FBXO47: variants seen among roughly 807,000 people sequenced by gnomAD.
FBXO47 encodes the protein F-box protein 47.
In FBXO47, 34 loss-of-function variants were observed where a neutral mutation model predicts 53.9. That is an observed-to-expected ratio of 0.63 (90% confidence interval 0.48 to 0.84). FBXO47 has a LOEUF of 0.84. Among genes scored for constraint, FBXO47 ranks in the 40% least tolerant of loss-of-function variants. FBXO47 has a pLI of 0.00. For missense variants in FBXO47, 485 were observed against 541.3 expected (o/e 0.90, Z 1.03); for synonymous variants, 165 against 181.6 (o/e 0.91, Z 0.73).
intron 6 of FBXO47, among the ~76,000 whole-genome samples, chr17:38,946,317 T>A (rs866533915): frequency 2.6e-3 from 240 of 91,988 alleles, no homozygotes; most frequent in Non-Finnish European, 3.7e-3. Flanking sequence ...AATATATAAA[T>A]ATATATAAAT....
intron 1 of FBXO47, among the ~76,000 whole-genome samples, chr17:38,966,059 T>G (rs1403404074): frequency 2.0e-5 from 3 of 152,164 alleles, no homozygotes; most frequent in African/African-American, 7.2e-5. Flanking sequence ...TGTAATCTGC[T>G]TTTTTCAATG....
At chr17:38,946,596 A>ATATATGAATATATATAAC (rs1904875323) in intron 6 of FBXO47, among the ~76,000 whole-genome samples, 1 of 75,888 alleles carries the variant, frequency 1.3e-5, no homozygotes, top group Non-Finnish European at 2.2e-5. Flanking sequence ...AACTATATAA[A>ATATATGAATATATATAAC]TATATGAATA....
At chr17:38,950,337 A>C (rs529347697) in intron 6 of FBXO47, among the ~76,000 whole-genome samples, 1 of 152,048 alleles carries the variant, frequency 6.6e-6, no homozygotes, top group East Asian at 1.9e-4. Flanking sequence ...TCCATGTTGC[A>C]GCATATACCA....
At chr17:38,950,250 T>C (rs2143930995) in intron 6 of FBXO47, among the ~76,000 whole-genome samples, 1 of 152,180 alleles carries the variant, frequency 6.6e-6, no homozygotes. Context: ...TCTAGGTATC[T>C]CATGTAAGTA....
chr17:38,938,871 TG>T, intron 9 of FBXO47, 139 bp from the exon 10 acceptor site: 1 of 622,124 alleles, frequency 1.6e-6, no homozygotes. Context: ...AGTCTATACA[TG>T]GGAAATGCTC....
intron 3 of FBXO47, among the ~76,000 whole-genome samples, chr17:38,961,360 G>A (rs979762454): frequency 1.3e-5 from 2 of 152,180 alleles, no homozygotes; most frequent in African/African-American, 4.8e-5. Flanking sequence ...AGGCATAAAT[G>A]ATTACAAATT....
chr17:38,951,833 C>T (rs752205977), intron 5 of FBXO47, 144 bp from the exon 6 acceptor site: 2 of 566,148 alleles, frequency 3.5e-6, no homozygotes, highest in Non-Finnish European at 6.3e-6. Context: ...GAGTTTGAGA[C>T]CAGCCTGGAC....
intron 9 of FBXO47, among the ~76,000 whole-genome samples, chr17:38,942,121 C>T (rs903619700): frequency 6.6e-6 from 1 of 152,060 alleles, no homozygotes; most frequent in African/African-American, 2.4e-5. Flanking sequence ...CTCCCAAGTC[C>T]TCTCCCCAAC....
At chr17:38,944,233 G>T (rs1904641468) in intron 7 of FBXO47, among the ~76,000 whole-genome samples, 1 of 143,358 alleles carries the variant, frequency 7.0e-6, no homozygotes. Flanking sequence ...GTGTGTGTGT[G>T]TATGCTTCTT....
chr17:38,957,652 A>C (rs73301142), intron 3 of FBXO47, among the ~76,000 whole-genome samples: 3,920 of 152,104 alleles, frequency 0.026, 171 homozygotes, highest in African/African-American at 0.089. Context: ...ATATGTTTTA[A>C]GAGTTGTTAA....
In FBXO47 at chr17:38,942,860, T is replaced by C; in HGVS notation, c.1001A>G (p.Asn334Ser). 6.2e-7 allele frequency: 1 copy of C among 1,612,996 alleles called. No individual in the cohort carries two copies. The highest frequency in any genetic ancestry group is 8.5e-7 in the Non-Finnish European group (1 of 1,179,062). ...NARLLMLSGN[N>S]ICFSFMASKA... ...ACTAGCCATGAAACTGAAACAGATG[T>C]TGTTTCCACTTAGCATTAGGAGACG... The change falls in exon 9 of 11, where the codon AAC (asparagine) becomes AGC (serine). Residue 334 changes from asparagine to serine, a missense_variant. Coordinates refer to ENST00000378079, the MANE Select transcript of FBXO47 (RefSeq NM_001008777.3).
chr17:38,966,090 A>G (rs1317564339), intron 1 of FBXO47, among the ~76,000 whole-genome samples: 1 of 152,178 alleles, frequency 6.6e-6, no homozygotes. Context: ...CCATGCTAAT[A>G]ACCTTCTACA....
chr17:38,952,169 A>C (rs1905327085), intron 5 of FBXO47, among the ~76,000 whole-genome samples: 1 of 152,050 alleles, frequency 6.6e-6, no homozygotes, highest in South Asian at 2.1e-4. Flanking sequence ...TACTAAAAAT[A>C]CAAAAAATTA....
chr17:38,962,854 AT>A lies in FBXO47; in HGVS notation c.171del (p.Lys57AsnfsTer5). 6.2e-7 allele frequency: 1 copy of A among 1,609,688 alleles called. No individual in the cohort carries two copies. On this transcript the variant is annotated frameshift_variant, in exon 2 of 11. Coordinates refer to ENST00000378079, the MANE Select transcript of FBXO47 (RefSeq NM_001008777.3). LOFTEE classifies it high-confidence loss of function. ...LPLEIFQIIL[K>X]YLSVKDISML... Reference sequence around the variant, plus strand: ...AGTTCCCAAACCTCACCTGACAAATATTTTAAAATTATCTGGAATATTTCCA... The same window carrying A: ...AGTTCCCAAACCTCACCTGACAAATATTTAAAATTATCTGGAATATTTCCA...
At chr17:38,942,960 C>A in intron 8 of FBXO47, 40 bp from the exon 9 acceptor site, 3 of 1,531,018 alleles carry the variant, frequency 2.0e-6, no homozygotes, top group South Asian at 1.2e-5. Context: ...TGAGAAATCA[C>A]ACAACAGCTA....
rs1174775863 is a variant in FBXO47 at position 38,946,809 on chromosome 17, CATATATAA to C, written c.617-1681_617-1674del. 1.1e-3 allele frequency among the ~76,000 whole-genome samples: 64 copies of C among 55,798 alleles called. 1 individual carries two copies. Among genetic ancestry groups the C allele is most frequent in the Non-Finnish European group, 1.3e-3 (44 of 33,674 alleles). The allele number at this position is 55,798 out of a possible 152,430, so 36.6% of individuals were successfully genotyped here. A position where few individuals can be genotyped will look rare whatever the true frequency, so the allele number is the denominator to read the frequency against. On this transcript the variant is annotated intron_variant, in intron 6 of 10. Coordinates refer to ENST00000378079, the MANE Select transcript of FBXO47 (RefSeq NM_001008777.3). ...ATATAAATATATATAGATATATAAACATATATAAATATATAAATATATAAATATATATA... is the reference window on the plus strand; with the variant it reads ...ATATAAATATATATAGATATATAAACATATATAAATATATAAATATATATA...
At chr17:38,947,051 A>T (rs1171766319) in intron 6 of FBXO47, among the ~76,000 whole-genome samples, 1 of 133,648 alleles carries the variant, frequency 7.5e-6, no homozygotes, top group Non-Finnish European at 1.5e-5. Flanking sequence ...AATATATAAA[A>T]ACATATATAA....
chr17:38,961,805 A>G, intron 3 of FBXO47, 72 bp downstream of exon 3: 1 of 1,348,644 alleles, frequency 7.4e-7, no homozygotes, highest in Non-Finnish European at 1.0e-6. Context: ...CTGGCCTTAC[A>G]GAATTGTATA....
chr17:38,936,769 CTA>C lies in FBXO47; in HGVS notation c.*404_*405del. On this transcript the variant is annotated 3_prime_UTR_variant, in exon 11 of 11. Coordinates refer to ENST00000378079, the MANE Select transcript of FBXO47 (RefSeq NM_001008777.3). Reference sequence around the variant, plus strand: ...GCAAATCTTCACAAAACATTCTGGGCTATGTCTATACAACTTAAACAAAGTGA... The same window carrying C: ...GCAAATCTTCACAAAACATTCTGGGCTGTCTATACAACTTAAACAAAGTGA... 6.5e-6 allele frequency: 1 copy of C among 154,214 alleles called. No individual in the cohort carries two copies. The highest frequency in any genetic ancestry group is 1.9e-4 in the East Asian group (1 of 5,270). 9.6% of individuals were successfully genotyped at this position (154,214 alleles called of 1,614,324 possible).
Sources: allele counts gnomAD v4.1 joint callset (sites outside exome capture counted in the v4.1 genomes callset), GRCh38; gene constraint gnomAD v4.1.1; transcripts MANE v1.5; gene names NCBI Gene and HGNC (gene_info 2026-07-23, HGNC 2026-07-21).